The following LRBA variants were observed in gnomAD, a reference collection of about 807,000 sequenced individuals.
The protein encoded by LRBA is lipopolysaccharide-responsive and beige-like anchor protein.
In LRBA, 176 loss-of-function variants were observed where a neutral mutation model predicts 330.0. The observed-to-expected ratio is 0.53, with a 90% CI of 0.47 to 0.60. The LOEUF is 0.60. Among genes scored for constraint, LRBA ranks in the 20% least tolerant of loss-of-function variants. The pLI is 0.00. For missense variants in LRBA, 3,259 were observed against 3,444.8 expected, an observed-to-expected ratio of 0.95 and a Z score of 1.35; for synonymous variants, 1,230 against 1,193.0, an observed-to-expected ratio of 1.03 and a Z score of -0.64.
chr4:150,625,786 T>C (rs992450996), intron 37 of LRBA, among the ~76,000 whole-genome samples: 5 of 151,700 alleles, frequency 3.3e-5, no homozygotes, highest in Admixed American at 6.6e-5. Context: ...CTCAGCTCAC[T>C]GCAACCTCCA....
intron 36 of LRBA, among the ~76,000 whole-genome samples, chr4:150,709,989 C>T (rs771679418): frequency 4.6e-5 from 7 of 151,952 alleles, no homozygotes; most frequent in Middle Eastern, 3.4e-3. Flanking sequence ...AACCTAAGAG[C>T]AATGGGAAGG....
At chr4:150,386,185 T>A (rs545807383) in intron 47 of LRBA, among the ~76,000 whole-genome samples, 2 of 152,090 alleles carry the variant, frequency 1.3e-5, no homozygotes, top group African/African-American at 4.8e-5. Context: ...AAAATCAGCA[T>A]TCTCCATAAC....
At position 150,928,978 on chromosome 4, in the gene LRBA, A is replaced by G. The variant is rs770397159; in HGVS notation, c.304T>C (p.Cys102Arg). 1 of 1,613,576 alleles carries G rather than the reference A, an allele frequency of 6.2e-7. No individual in the cohort carries two copies. The highest frequency in any genetic ancestry group is 1.3e-5 in the African/African-American group (1 of 74,848). Residue 102 changes from cysteine to arginine, a missense_variant, in exon 3 of 57, where the codon TGT becomes CGT. Physicochemically the swap from Cys to Arg is radical, Grantham distance 180. Coordinates refer to ENST00000651943, the MANE Select transcript of LRBA (RefSeq NM_001364905.1). ...ACTTCTGCTTGGCACGTAATGTCAC[A>G]TTTTTCCAGTAGGTCCACCATGCAG... ...INCMVDLLEK[C>R]DITCQAEVWS...
chr4:150,373,400 C>A (rs1740766891), intron 47 of LRBA, among the ~76,000 whole-genome samples: 1 of 152,076 alleles, frequency 6.6e-6, no homozygotes, highest in African/African-American at 2.4e-5. Context: ...CCACACTGAA[C>A]CACATGGTGG....
intron 36 of LRBA, among the ~76,000 whole-genome samples, chr4:150,727,867 A>G (rs1008843391): frequency 6.6e-6 from 1 of 152,198 alleles, no homozygotes; most frequent in Non-Finnish European, 1.5e-5. Flanking sequence ...ACTTAAGTTC[A>G]GAGCAGAAAT....
At chr4:150,394,470 TAA>T (rs1463461925) in intron 47 of LRBA, among the ~76,000 whole-genome samples, 1 of 152,208 alleles carries the variant, frequency 6.6e-6, no homozygotes, top group Non-Finnish European at 1.5e-5. Flanking sequence ...TTACTAAGTT[TAA>T]GTCACTATTT....
chr4:150,407,619 C>A (rs771454753), intron 47 of LRBA, among the ~76,000 whole-genome samples: 6 of 152,152 alleles, frequency 3.9e-5, no homozygotes, highest in Non-Finnish European at 7.4e-5. Flanking sequence ...TATATAGACC[C>A]AATGCTAGGT....
At chr4:150,683,103 T>C (rs1783194114) in intron 37 of LRBA, among the ~76,000 whole-genome samples, 1 of 152,142 alleles carries the variant, frequency 6.6e-6, no homozygotes, top group Admixed American at 6.5e-5. Flanking sequence ...TTTTATTGTA[T>C]TTTCAAAATT....
At chr4:150,353,275 A>G (rs1054401991) in intron 47 of LRBA, among the ~76,000 whole-genome samples, 2 of 152,174 alleles carry the variant, frequency 1.3e-5, no homozygotes, top group Admixed American at 1.3e-4. Context: ...TTAAATAAAA[A>G]ACGTGTAGTT....
chr4:150,878,975 T>G (rs1037378162), intron 17 of LRBA, among the ~76,000 whole-genome samples: 2 of 149,544 alleles, frequency 1.3e-5, no homozygotes, highest in Non-Finnish European at 3.0e-5. Context: ...CTACTAAAAA[T>G]ATTCAAAAAA....
intron 2 of LRBA, among the ~76,000 whole-genome samples, chr4:150,944,496 C>T (rs1380911838): frequency 6.6e-6 from 1 of 151,896 alleles, no homozygotes; most frequent in Admixed American, 6.6e-5. Context: ...TTATTTGTGA[C>T]AGTTACTGCA....
At chr4:150,794,433 A>G (rs1228418361) in intron 34 of LRBA, among the ~76,000 whole-genome samples, 1 of 151,954 alleles carries the variant, frequency 6.6e-6, no homozygotes, top group Non-Finnish European at 1.5e-5. Flanking sequence ...ACTTGGGATT[A>G]GAGAAAAGAA....
intron 2 of LRBA, among the ~76,000 whole-genome samples, chr4:150,976,494 G>C (rs1740191611): frequency 6.6e-6 from 1 of 152,000 alleles, no homozygotes; most frequent in Admixed American, 6.6e-5. Flanking sequence ...ATTATATATG[G>C]GTTACTGAAT....
chr4:150,640,523 T>C (rs1388828024), intron 37 of LRBA, among the ~76,000 whole-genome samples: 2 of 152,208 alleles, frequency 1.3e-5, no homozygotes, highest in Admixed American at 1.3e-4. Context: ...CTATTTACTA[T>C]TCAAAAATAA....
intron 47 of LRBA, among the ~76,000 whole-genome samples, chr4:150,394,101 C>T (rs1052678551): frequency 5.3e-5 from 8 of 152,138 alleles, no homozygotes; most frequent in African/African-American, 1.9e-4. Flanking sequence ...TTTTACATAA[C>T]AATTTCTTTG....
intron 47 of LRBA, among the ~76,000 whole-genome samples, chr4:150,389,684 A>G (rs1214338842): frequency 6.6e-6 from 1 of 150,468 alleles, no homozygotes; most frequent in African/African-American, 2.4e-5. Context: ...CTCAAAAAAA[A>G]AAAAAAAAAA....
chr4:150,443,885 T>A (rs1382341085), intron 44 of LRBA, among the ~76,000 whole-genome samples: 6 of 127,590 alleles, frequency 4.7e-5, no homozygotes, highest in African/African-American at 1.2e-4. Context: ...TTTTTTTTTT[T>A]TTTTTTTTAA....
At chr4:150,682,239 A>C (rs1255361688) in intron 37 of LRBA, among the ~76,000 whole-genome samples, 2 of 152,152 alleles carry the variant, frequency 1.3e-5, no homozygotes, top group Non-Finnish European at 2.9e-5. Context: ...ATAATAAAGC[A>C]CTTTGAAACT....
At chr4:150,888,416 T>C (rs934125029) in intron 17 of LRBA, among the ~76,000 whole-genome samples, 3 of 152,164 alleles carry the variant, frequency 2.0e-5, no homozygotes, top group Non-Finnish European at 2.9e-5. Context: ...CTAGTGAAAG[T>C]AAAACTTTAA....
Sources: gnomAD v4.1 joint callset for allele counts (sites outside exome capture counted in the v4.1 genomes callset) on GRCh38, gnomAD v4.1.1 for gene constraint, MANE v1.5 for transcripts, NCBI Gene and HGNC (gene_info 2026-07-23, HGNC 2026-07-21) for gene names.